POLR3B: variants seen among roughly 807,000 people sequenced by gnomAD.
POLR3B encodes RNA polymerase III subunit B.
In POLR3B, 96 loss-of-function variants were observed where a neutral mutation model predicts 147.4. That is an observed-to-expected ratio of 0.65 (90% confidence interval 0.55 to 0.77). The LOEUF (loss-of-function observed/expected upper bound fraction) is 0.77. POLR3B is among the 30% of genes least tolerant of loss of function. The probability of loss-of-function intolerance (pLI) is 0.00; values close to 1 mark genes in which losing one functional copy is unlikely to be tolerated. For missense variants in POLR3B, 1,036 were observed against 1,413.5 expected (o/e 0.73, Z 4.28); for synonymous variants, 461 against 485.9 (o/e 0.95, Z 0.67).
At chr12:106,377,857 G>A (rs1243452755) in intron 7 of POLR3B, among the ~76,000 whole-genome samples, 1 of 152,150 alleles carries the variant, frequency 6.6e-6, no homozygotes, top group Non-Finnish European at 1.5e-5. Flanking sequence ...TGCACTGAGA[G>A]GCTGAGGCGG....
intron 23 of POLR3B, among the ~76,000 whole-genome samples, chr12:106,477,058 CT>C (rs1236080438): frequency 6.8e-6 from 1 of 147,034 alleles, no homozygotes; most frequent in African/African-American, 2.6e-5. Flanking sequence ...TGTGGATGTC[CT>C]TTCTGTTTGT....
intron 9 of POLR3B, among the ~76,000 whole-genome samples, chr12:106,392,794 T>G (rs141566425): frequency 1.3e-5 from 2 of 152,216 alleles, no homozygotes; most frequent in Non-Finnish European, 2.9e-5. Context: ...TTTTAGCAGA[T>G]AGTACACATG....
At chr12:106,359,565 C>T (rs921902608) in intron 1 of POLR3B, among the ~76,000 whole-genome samples, 1 of 151,988 alleles carries the variant, frequency 6.6e-6, no homozygotes, top group Admixed American at 6.6e-5. Flanking sequence ...CTCCTGACCT[C>T]GTGATCCACC....
intron 10 of POLR3B, among the ~76,000 whole-genome samples, chr12:106,405,149 G>A (rs1276141480): frequency 6.6e-6 from 1 of 152,068 alleles, no homozygotes; most frequent in Non-Finnish European, 1.5e-5. Flanking sequence ...TAAAAATCAG[G>A]TAATATAATA....
intron 12 of POLR3B, 68 bp downstream of exon 12, chr12:106,411,028 A>T: frequency 1.4e-6 from 2 of 1,447,796 alleles, no homozygotes; most frequent in Non-Finnish European, 1.9e-6. Flanking sequence ...TTCATTTCAC[A>T]TAAGAAGAAA....
intron 18 of POLR3B, among the ~76,000 whole-genome samples, chr12:106,443,543 A>G (rs922826952): frequency 6.6e-6 from 1 of 151,246 alleles, no homozygotes. Flanking sequence ...TTTAAGACAG[A>G]GTCTTGCTCT....
intron 6 of POLR3B, among the ~76,000 whole-genome samples, chr12:106,374,068 A>G (rs2036645272): frequency 6.6e-6 from 1 of 152,060 alleles, no homozygotes; most frequent in Non-Finnish European, 1.5e-5. Flanking sequence ...TACCTTAGAA[A>G]TTTTGAAATG....
intron 12 of POLR3B, among the ~76,000 whole-genome samples, chr12:106,417,948 A>G (rs2037328489): frequency 6.6e-6 from 1 of 152,246 alleles, no homozygotes; most frequent in Non-Finnish European, 1.5e-5. Flanking sequence ...GCAAGAAAAC[A>G]TAGCTTTATA....
chr12:106,433,617 A>G, intron 15 of POLR3B, 102 bp from the exon 16 acceptor site: 4 of 928,988 alleles, frequency 4.3e-6, no homozygotes, highest in South Asian at 1.6e-5. Flanking sequence ...GTATTTTCAA[A>G]TAACTGCTTA....
intron 23 of POLR3B, among the ~76,000 whole-genome samples, chr12:106,479,152 A>T (rs1272378645): frequency 6.6e-6 from 1 of 151,840 alleles, no homozygotes; most frequent in African/African-American, 2.4e-5. Context: ...ACATTTTCTT[A>T]TATTTATTTA....
At position 106,496,178 on chromosome 12, in the gene POLR3B, T is replaced by C; in HGVS notation, c.2817+20T>C. On this transcript the variant is annotated intron_variant, in intron 24 of 27. Transcript: ENST00000228347. The stretch of plus-strand genomic sequence containing the variant: ...ATGACGGTCAGTGACCTGTAGGTTT[T>C]TCAGAGGCATTGCCTTTAAGGAAGA... 7.3e-7 allele frequency: 1 copy of C among 1,367,450 alleles called. No homozygotes were observed. Among genetic ancestry groups the C allele is most frequent in the South Asian group, 1.2e-5 (1 of 86,466 alleles). The allele number at this position is 1,367,450 out of a possible 1,614,324, so 84.7% of individuals were successfully genotyped here.
At chr12:106,396,643 G>T (rs888860998) in intron 10 of POLR3B, among the ~76,000 whole-genome samples, 14 of 152,144 alleles carry the variant, frequency 9.2e-5, no homozygotes, top group Non-Finnish European at 1.6e-4. Context: ...AGAGGAGTGG[G>T]GTTAGGAAAG....
chr12:106,365,081 G>C (rs2136880901), intron 2 of POLR3B, among the ~76,000 whole-genome samples: 1 of 152,288 alleles, frequency 6.6e-6, no homozygotes, highest in South Asian at 2.1e-4. Context: ...GTTGCAGTGA[G>C]CCGAGATCGC....
intron 14 of POLR3B, among the ~76,000 whole-genome samples, chr12:106,431,734 G>T (rs2037513687): frequency 6.6e-6 from 1 of 152,128 alleles, no homozygotes; most frequent in Admixed American, 6.5e-5. Flanking sequence ...AATTTTGCCA[G>T]TTGTCCCACT....
In POLR3B at chr12:106,454,571, C is replaced by T; in HGVS notation, c.2153C>T (p.Pro718Leu). ...TATCTACTAGCATATCCACAAAAAC[C>T]CATGGTTAAGACAAAAACCATTGAA... is the stretch of plus-strand genomic sequence containing the variant. ...LMYLLAYPQK[P>L]MVKTKTIELI... The change falls in exon 20 of 28, where the codon CCC becomes CTC. Residue 718 changes from proline (P) to leucine (L), a missense_variant. Pro to Leu is a moderately conservative substitution (Grantham distance 98). This residue lies in a region of POLR3B where 202 missense variants were observed against 272.8 expected (regional missense o/e 0.74). Coordinates refer to ENST00000228347, the MANE Select transcript of POLR3B (RefSeq NM_018082.6). 1 of 1,609,962 alleles carries T rather than the reference C, an allele frequency of 6.2e-7. No homozygotes were observed. Among genetic ancestry groups the T allele is most frequent in the Admixed American group, 1.7e-5 (1 of 59,934 alleles).
chr12:106,441,102 G>A (rs1466256121), intron 18 of POLR3B, among the ~76,000 whole-genome samples: 1 of 151,946 alleles, frequency 6.6e-6, no homozygotes, highest in East Asian at 1.9e-4. Flanking sequence ...TTTTTTTTCT[G>A]AGTACAAACA....
chr12:106,369,735 G>A (rs1261988169), intron 6 of POLR3B, 52 bp downstream of exon 6: 2 of 1,124,446 alleles, frequency 1.8e-6, no homozygotes, highest in African/African-American at 3.0e-5. Flanking sequence ...CCAGCCCCAT[G>A]ATGTGATCCC....
intron 26 of POLR3B, 146 bp downstream of exon 26, chr12:106,501,582 T>C: frequency 3.3e-6 from 2 of 607,394 alleles, no homozygotes; most frequent in South Asian, 2.0e-5. Context: ...GAAAATCATA[T>C]ATGTATGATT....
intron 6 of POLR3B, among the ~76,000 whole-genome samples, chr12:106,376,081 T>A (rs1418143985): frequency 2.0e-5 from 3 of 152,140 alleles, no homozygotes; most frequent in African/African-American, 7.2e-5. Context: ...CCTGGCCTCA[T>A]GTGATCCACC....
Sources: gnomAD v4.1 joint callset for allele counts (sites outside exome capture counted in the v4.1 genomes callset) on GRCh38, gnomAD v4.1.1 for gene constraint, gnomAD v4.1.1 regional missense constraint, MANE v1.5 for transcripts, NCBI Gene and HGNC (gene_info 2026-07-23, HGNC 2026-07-21) for gene names.